Variants in COP1 observed in about 807,000 individuals in gnomAD.
COP1 encodes the protein E3 ubiquitin-protein ligase COP1.
Under a neutral mutation model 101.3 loss-of-function variants are expected in COP1, and 24 were observed. The ratio of observed to expected loss-of-function variants is 0.24; its 90% CI spans 0.17 to 0.33. The LOEUF is 0.33. COP1 is among the 10% of genes least tolerant of loss of function. COP1 has a pLI of 1.00. For missense variants in COP1, 663 were observed against 906.2 expected, an observed-to-expected ratio of 0.73 and a Z score of 3.45; for synonymous variants, 347 against 341.9, an observed-to-expected ratio of 1.01 and a Z score of -0.17.
At chr1:176,062,752 T>C (rs989003414) in intron 11 of COP1, among the ~76,000 whole-genome samples, 2 of 126,644 alleles carry the variant, frequency 1.6e-5, no homozygotes, top group East Asian at 2.4e-4. Flanking sequence ...TTCAAATAAA[T>C]AAACTGTACA....
intron 14 of COP1, among the ~76,000 whole-genome samples, chr1:176,036,864 G>A (rs1669643027): frequency 6.6e-6 from 1 of 152,128 alleles, no homozygotes. Context: ...TGGACTTATT[G>A]GGACTGTAAT....
chr1:176,065,130 C>T (rs1407162619), intron 11 of COP1, among the ~76,000 whole-genome samples: 1 of 152,120 alleles, frequency 6.6e-6, no homozygotes, highest in African/African-American at 2.4e-5. Flanking sequence ...TCATTTTATT[C>T]CAGTGCCTTT....
chr1:176,044,107 C>T (rs955337988), intron 12 of COP1, among the ~76,000 whole-genome samples: 3 of 152,100 alleles, frequency 2.0e-5, no homozygotes, highest in African/African-American at 2.4e-5. Context: ...CATGAGGAAA[C>T]GATGTCTATC....
intron 9 of COP1, among the ~76,000 whole-genome samples, chr1:176,115,346 A>G (rs1452611763): frequency 6.6e-6 from 1 of 152,182 alleles, no homozygotes; most frequent in Non-Finnish European, 1.5e-5. Context: ...GCCACTCGGG[A>G]GGCTGAGGCT....
At chr1:176,054,785 A>G (rs1237500360) in intron 11 of COP1, among the ~76,000 whole-genome samples, 2 of 152,160 alleles carry the variant, frequency 1.3e-5, no homozygotes, top group African/African-American at 2.4e-5. Context: ...TTCAAGTAAA[A>G]AACAAAACAA....
At chr1:176,181,262 T>C (rs79386048) in intron 2 of COP1, among the ~76,000 whole-genome samples, 10,346 of 152,114 alleles carry the variant, frequency 0.068, 456 homozygotes, top group Admixed American at 0.088. Context: ...TGGTAATAAT[T>C]TGGATGAGCT....
chr1:175,982,845 A>G (rs1179485662), intron 18 of COP1, among the ~76,000 whole-genome samples: 1 of 152,160 alleles, frequency 6.6e-6, no homozygotes, highest in Non-Finnish European at 1.5e-5. Flanking sequence ...AGAAATAGAG[A>G]ATAGAATGGT....
At chr1:176,152,765 G>C (rs904261638) in intron 5 of COP1, among the ~76,000 whole-genome samples, 1 of 152,118 alleles carries the variant, frequency 6.6e-6, no homozygotes, top group Admixed American at 6.6e-5. Flanking sequence ...AAAAACCCTA[G>C]ATAACTTTAT....
At position 176,144,503 on chromosome 1, in the gene COP1, C is replaced by T. The variant is rs562146822; in HGVS notation, c.831+4503G>A. Among the ~76,000 whole-genome samples the T allele has an allele frequency of 4.3e-4, 66 of 152,034 alleles. No homozygotes were observed. The Middle Eastern group carries it at 0.01, about 24-fold the overall frequency. Reference sequence around the variant, plus strand: ...CTGAATACTGTAAATACACAGTCTCCCAGATTTATCTAGTCAAATTAATCC... The same window carrying T: ...CTGAATACTGTAAATACACAGTCTCTCAGATTTATCTAGTCAAATTAATCC... On this transcript the variant is annotated intron_variant, in intron 6 of 19. Coordinates refer to ENST00000367669, the MANE Select transcript of COP1 (RefSeq NM_022457.7).
At chr1:175,960,744 C>T (rs1651238538) in intron 18 of COP1, among the ~76,000 whole-genome samples, 1 of 152,178 alleles carries the variant, frequency 6.6e-6, no homozygotes, top group Non-Finnish European at 1.5e-5. Context: ...TAGAAACTGG[C>T]TTTGACAGAG....
At chr1:176,008,057 T>G (rs1377106506) in intron 15 of COP1, among the ~76,000 whole-genome samples, 5 of 152,174 alleles carry the variant, frequency 3.3e-5, no homozygotes, top group African/African-American at 1.2e-4. Flanking sequence ...TGCGCCGTTT[T>G]TTAAGCCGGT....
chr1:176,153,514 T>C (rs1411532488), intron 5 of COP1, among the ~76,000 whole-genome samples: 1 of 152,224 alleles, frequency 6.6e-6, no homozygotes, highest in Non-Finnish European at 1.5e-5. Context: ...TTTCTAGGTA[T>C]AGAACCATGT....
chr1:176,046,545 G>A (rs1316417781), intron 11 of COP1, among the ~76,000 whole-genome samples: 3 of 151,904 alleles, frequency 2.0e-5, no homozygotes, highest in Admixed American at 1.3e-4. Context: ...ACACAATTGT[G>A]CACAGGTGTA....
At chr1:176,027,489 T>G (rs938020353) in intron 15 of COP1, 83 bp downstream of exon 15, 2 of 818,904 alleles carry the variant, frequency 2.4e-6, no homozygotes, top group African/African-American at 3.4e-5. Flanking sequence ...TACAAAAGAG[T>G]TATTTGTTTT....
chr1:176,043,331 A>C (rs1034844869), intron 13 of COP1, 64 bp from the exon 14 acceptor site: 7 of 724,828 alleles, frequency 9.7e-6, no homozygotes, highest in Middle Eastern at 2.7e-4. Context: ...ATAAAGCAAG[A>C]AAAAAAAAAA....
intron 6 of COP1, among the ~76,000 whole-genome samples, chr1:176,140,247 A>G (rs969546846): frequency 6.6e-6 from 1 of 152,206 alleles, no homozygotes; most frequent in Admixed American, 6.5e-5. Flanking sequence ...ACTGCCAATA[A>G]TAAAACAATT....
intron 8 of COP1, among the ~76,000 whole-genome samples, chr1:176,124,252 TGTG>T (rs1687636607): frequency 6.6e-6 from 1 of 152,246 alleles, no homozygotes; most frequent in Non-Finnish European, 1.5e-5. Context: ...ATTTATCCTT[TGTG>T]TTACAAACAA....
At position 175,989,380 on chromosome 1, in the gene COP1, C is replaced by A; in HGVS notation, c.1829G>T (p.Gly610Val). ...KAVSYAKFVSGEEIVSASTDS... is the reference protein window; with the variant it reads ...KAVSYAKFVSVEEIVSASTDS... Reference sequence around the variant, plus strand: ...TACTCACGCAGAGACAATTTCCTCACCACTCACAAACTTTGCATAAGAGAC... The same window carrying A: ...TACTCACGCAGAGACAATTTCCTCAACACTCACAAACTTTGCATAAGAGAC... Residue 610 changes from glycine (G) to valine (V), a missense_variant, in exon 16 of 20, where the codon GGT becomes GTT. Physicochemically the swap from Gly to Val is moderately radical, Grantham distance 109 (BLOSUM62 -3). This residue lies in a region of COP1 where 209 missense variants were observed against 383.3 expected (regional missense o/e 0.55). Coordinates refer to ENST00000367669, the MANE Select transcript of COP1 (RefSeq NM_022457.7). 2 of 1,581,350 alleles carry A rather than the reference C, an allele frequency of 1.3e-6. No homozygotes were observed. The highest frequency in any genetic ancestry group is 1.7e-6 in the Non-Finnish European group (2 of 1,150,300).
chr1:176,151,681 A>G (rs1558213156), intron 5 of COP1, among the ~76,000 whole-genome samples: 1 of 152,242 alleles, frequency 6.6e-6, no homozygotes, highest in Non-Finnish European at 1.5e-5. Flanking sequence ...GCCTAATATA[A>G]TTAAATATGT....
Sources: gnomAD v4.1 joint callset for allele counts (sites outside exome capture counted in the v4.1 genomes callset) on GRCh38, gnomAD v4.1.1 for gene constraint, gnomAD v4.1.1 regional missense constraint, MANE v1.5 for transcripts, NCBI Gene and HGNC (gene_info 2026-07-23, HGNC 2026-07-21) for gene names.